The following KCNMA1 variants were observed in gnomAD, a reference collection of about 807,000 sequenced individuals.
KCNMA1 encodes the protein potassium calcium-activated channel subfamily M alpha 1, also known as Calcium-activated potassium channel subunit alpha-1.
Under a neutral mutation model 140.0 loss-of-function variants are expected in KCNMA1, and 29 were observed. The observed-to-expected ratio is 0.21, with a 90% CI of 0.15 to 0.28. KCNMA1 has a LOEUF of 0.28. KCNMA1 is among the 10% of genes least tolerant of loss of function. The pLI is 1.00. For synonymous variants in KCNMA1, 612 were observed against 611.9 expected, an observed-to-expected ratio of 1.00 and a Z score of 0.00; for missense variants, 880 against 1,602.2, an observed-to-expected ratio of 0.55 and a Z score of 7.70.
chr10:77,444,611 T>C lies in KCNMA1; in HGVS notation c.379-40588A>G, dbSNP rs1341027039. On this transcript the variant is annotated intron_variant, in intron 1 of 27. Coordinates refer to ENST00000286628, the MANE Select transcript of KCNMA1 (RefSeq NM_001161352.2). ...TAAAATGCTATAATGCCATGCCATA[T>C]GCCTCTCTTGTCTCCCATGTTGAGA... Among the ~76,000 whole-genome samples the C allele has an allele frequency of 3.3e-5, 5 of 152,188 alleles. No individual in the cohort carries two copies. The East Asian group carries it at 9.6e-4, about 29-fold the overall frequency.
chr10:77,447,357 G>A (rs1352448756), intron 1 of KCNMA1, among the ~76,000 whole-genome samples: 1 of 151,986 alleles, frequency 6.6e-6, no homozygotes, highest in East Asian at 1.9e-4. Flanking sequence ...AACATCATGA[G>A]CTCAAACTGG....
intron 2 of KCNMA1, among the ~76,000 whole-genome samples, chr10:77,398,142 T>C (rs184900440): frequency 6.6e-6 from 1 of 152,058 alleles, no homozygotes; most frequent in African/African-American, 2.4e-5. Flanking sequence ...ATAGCTTTGC[T>C]ATTGTGAGTA....
chr10:76,906,445 T>C (rs1313491666), intron 25 of KCNMA1, among the ~76,000 whole-genome samples: 1 of 152,236 alleles, frequency 6.6e-6, no homozygotes, highest in African/African-American at 2.4e-5. Context: ...GTCTGTAACA[T>C]CCTGATCTGT....
intron 21 of KCNMA1, 61 bp downstream of exon 21, chr10:76,953,740 T>C: frequency 6.2e-7 from 1 of 1,610,844 alleles, no homozygotes; most frequent in Non-Finnish European, 8.5e-7. Context: ...GAAACCCCAT[T>C]CCTAGCAAAT....
chr10:76,945,084 G>A, intron 22 of KCNMA1, 119 bp from the exon 23 acceptor site: 8 of 847,780 alleles, frequency 9.4e-6, no homozygotes, highest in Non-Finnish European at 1.6e-5. Context: ...GATTGAGTCG[G>A]AGCTTTGGGA....
chr10:77,385,014 T>C (rs533474644), intron 2 of KCNMA1, among the ~76,000 whole-genome samples: 3 of 152,296 alleles, frequency 2.0e-5, no homozygotes, highest in East Asian at 3.9e-4. Context: ...GAGCCTTGGT[T>C]TTCTCACCTG....
chr10:76,918,634 G>T (rs1294408879), intron 23 of KCNMA1, among the ~76,000 whole-genome samples: 1 of 152,144 alleles, frequency 6.6e-6, no homozygotes, highest in Non-Finnish European at 1.5e-5. Flanking sequence ...CCTCTACACT[G>T]CTGGCGGCAA....
At chr10:77,242,143 C>A (rs1160600344) in intron 3 of KCNMA1, among the ~76,000 whole-genome samples, 1 of 152,154 alleles carries the variant, frequency 6.6e-6, no homozygotes, top group Non-Finnish European at 1.5e-5. Flanking sequence ...ACACTGACCT[C>A]AGTTTCAAAA....
chr10:77,540,217 C>G (rs752180718), intron 1 of KCNMA1, among the ~76,000 whole-genome samples: 2 of 152,154 alleles, frequency 1.3e-5, no homozygotes, highest in Non-Finnish European at 2.9e-5. Context: ...AGGGTCACAG[C>G]CAAAGAGACA....
chr10:77,086,308 A>T (rs1404402617), intron 11 of KCNMA1, among the ~76,000 whole-genome samples, 180 bp downstream of exon 11: 1 of 152,148 alleles, frequency 6.6e-6, no homozygotes, highest in Non-Finnish European at 1.5e-5. Context: ...CAGCAGAAGG[A>T]GGTCCTGGGA....
rs138344003 is a variant in KCNMA1 at position 76,896,839 on chromosome 10, T to C, written c.3148-5120A>G. Among the ~76,000 whole-genome samples the C allele has an allele frequency of 8.5e-5, 13 of 152,112 alleles. No homozygotes were observed. The East Asian group carries it at 2.5e-3, about 29-fold the overall frequency. On this transcript the variant is annotated intron_variant, in intron 25 of 27. Transcript: ENST00000286628. ...TTCTAAAATTGACTGTAGTGATGGC[T>C]GTACATGTCTGTGAATATGCTAAAA... is the stretch of plus-strand genomic sequence containing the variant.
chr10:77,449,351 AC>A, intron 1 of KCNMA1, among the ~76,000 whole-genome samples: 1 of 152,176 alleles, frequency 6.6e-6, no homozygotes, highest in Non-Finnish European at 1.5e-5. Flanking sequence ...AATGTCAGCA[AC>A]CACAAGGGGA....
In KCNMA1 at chr10:77,259,179, C is replaced by T. The variant is rs147654171; in HGVS notation, c.541-7923G>A. The stretch of plus-strand genomic sequence containing the variant: ...CACTGGAAACCAAGACTCCAAACAA[C>T]GGATTAAGTAGAGATGTATTCAAGA... On this transcript the variant is annotated intron_variant, in intron 2 of 27. Coordinates refer to ENST00000286628, the MANE Select transcript of KCNMA1 (RefSeq NM_001161352.2). Among the ~76,000 whole-genome samples the T allele has an allele frequency of 2.4e-3, 369 of 151,990 alleles. 3 individuals carry two copies. The highest frequency in any genetic ancestry group is 8.3e-3 in the African/African-American group (344 of 41,460).
intron 2 of KCNMA1, among the ~76,000 whole-genome samples, chr10:77,333,350 C>CAAAAAAA (rs68185333): frequency 9.5e-6 from 1 of 105,588 alleles, no homozygotes; most frequent in African/African-American, 3.4e-5. Context: ...CCATGTCTAC[C>CAAAAAAA]AAAAAAAAAA....
At chr10:76,981,246 A>G (rs1406254802) in intron 19 of KCNMA1, among the ~76,000 whole-genome samples, 2 of 152,028 alleles carry the variant, frequency 1.3e-5, no homozygotes, top group Non-Finnish European at 2.9e-5. Context: ...CCTGACCCCT[A>G]GCCTTGCATC....
At chr10:77,490,214 T>C (rs77023896) in intron 1 of KCNMA1, among the ~76,000 whole-genome samples, 3,462 of 152,254 alleles carry the variant, frequency 0.023, 57 homozygotes, top group Middle Eastern at 0.068. Flanking sequence ...AATTATTGGG[T>C]TTACACATGA....
At chr10:77,484,692 A>G (rs1426662984) in intron 1 of KCNMA1, among the ~76,000 whole-genome samples, 1 of 152,248 alleles carries the variant, frequency 6.6e-6, no homozygotes, top group Non-Finnish European at 1.5e-5. Context: ...CACCTGGACA[A>G]ATGGTCCAAA....
chr10:77,082,007 C>CTTTTTTTTTTTTTTTTTTTTTTTT (rs201288668), intron 12 of KCNMA1, among the ~76,000 whole-genome samples: 1 of 32,500 alleles, frequency 3.1e-5, no homozygotes, highest in Admixed American at 3.6e-4. Context: ...TTTTTCTTTT[C>CTTTTTTTTTTTTTTTTTTTTTTTT]TTTTTTTTTT....
At chr10:77,130,960 G>C (rs1393139050) in intron 5 of KCNMA1, among the ~76,000 whole-genome samples, 1 of 152,024 alleles carries the variant, frequency 6.6e-6, no homozygotes, top group Non-Finnish European at 1.5e-5. Context: ...GAGGTTGATG[G>C]GGGGGTGGTT....
Sources: allele counts gnomAD v4.1 joint callset (sites outside exome capture counted in the v4.1 genomes callset), GRCh38; gene constraint gnomAD v4.1.1; transcripts MANE v1.5; gene names NCBI Gene and HGNC (gene_info 2026-07-23, HGNC 2026-07-21).